The following ZNF177 variants were observed in gnomAD, a reference collection of about 807,000 sequenced individuals.
The protein encoded by ZNF177 is zinc finger protein 177.
A neutral mutation model predicts 19.4 loss-of-function variants in ZNF177; 17 were observed. That is an observed-to-expected ratio of 0.87 (90% CI 0.60 to 1.31). ZNF177 has a LOEUF of 1.31. ZNF177 is among the 40% of genes most tolerant of loss of function. The pLI, the probability that ZNF177 is intolerant of heterozygous loss-of-function variation, is 0.00. For missense variants in ZNF177, 633 were observed against 561.8 expected (o/e 1.13, Z -1.28); for synonymous variants, 220 against 188.7 (o/e 1.17, Z -1.36).
At chr19:9,370,125 C>G (rs2068028773) in intron 2 of ZNF177, among the ~76,000 whole-genome samples, 1 of 151,996 alleles carries the variant, frequency 6.6e-6, no homozygotes, top group Non-Finnish European at 1.5e-5. Flanking sequence ...TTATTTGACT[C>G]TCCATTTATT....
At chr19:9,379,468 T>A in intron 3 of ZNF177, 59 bp from the exon 6 acceptor site, 1 of 1,567,838 alleles carries the variant, frequency 6.4e-7, no homozygotes, top group South Asian at 1.2e-5. Flanking sequence ...GGCAATCAGT[T>A]TTGTGGAATA....
chr19:9,366,989 C>T (rs1568380252), intron 2 of ZNF177, among the ~76,000 whole-genome samples: 1 of 152,194 alleles, frequency 6.6e-6, no homozygotes, highest in Non-Finnish European at 1.5e-5. Context: ...GAAAAATGTA[C>T]ATTCAGATCA....
At chr19:9,375,715 T>C (rs911340813), upstream of ZNF177, among the ~76,000 whole-genome samples, 9 of 152,200 alleles carry the variant, frequency 5.9e-5, no homozygotes, top group Admixed American at 1.3e-4. Flanking sequence ...TTGTCTATTT[T>C]AATCTTAAGT....
chr19:9,378,890 C>A, intron 2 of ZNF177, 72 bp from the exon 5 acceptor site: 1 of 1,512,492 alleles, frequency 6.6e-7, no homozygotes, highest in East Asian at 2.3e-5. Context: ...CTGTCAGCCT[C>A]ACCCACCATT....
In ZNF177 at chr19:9,380,661, T is replaced by C. The variant is rs2068182710; in HGVS notation, c.337-7T>C. The stretch of plus-strand genomic sequence containing the variant: ...CCTCTAGTCACCACTTACTCCCTTT[T>C]CAACAGGCAGAAAATCAACCTGGTG... On this transcript the variant is annotated splice_region_variant and splice_polypyrimidine_tract_variant and intron_variant, in intron 5 of 5. Transcript: ENST00000589262. 1 of 1,535,718 alleles carries C rather than the reference T, an allele frequency of 6.5e-7. No homozygotes were observed. The highest frequency in any genetic ancestry group is 2.4e-5 in the East Asian group (1 of 40,908).
At chr19:9,379,137 A>C (rs2068152828) in intron 3 of ZNF177, 49 bp downstream of exon 5, 4 of 1,553,262 alleles carry the variant, frequency 2.6e-6, no homozygotes, top group Non-Finnish European at 3.5e-6. Context: ...AATAGTTCTT[A>C]AGCACATATT....
chr19:9,382,248 T>C (rs1238919914), downstream of ZNF177: 1 of 403,934 alleles, frequency 2.5e-6, no homozygotes, highest in East Asian at 3.6e-5. Context: ...CGGCCAAATA[T>C]GTTCACATCC....
chr19:9,379,888 A>G (rs947927321), intron 4 of ZNF177, among the ~76,000 whole-genome samples, 169 bp from the exon 7 acceptor site: 1 of 151,844 alleles, frequency 6.6e-6, no homozygotes, highest in Non-Finnish European at 1.5e-5. Flanking sequence ...AATACCTCCC[A>G]TTTCTACTGC....
chr19:9,382,331 A>G, downstream of ZNF177: 2 of 399,024 alleles, frequency 5.0e-6, no homozygotes, highest in African/African-American at 2.1e-5. Flanking sequence ...GGAATATCTC[A>G]TCTGGTGTTT....
chr19:9,365,835 T>C (rs1204949078), intron 2 of ZNF177, among the ~76,000 whole-genome samples: 1 of 151,542 alleles, frequency 6.6e-6, no homozygotes, highest in Non-Finnish European at 1.5e-5. Context: ...GTAAGAGAGG[T>C]TGGAGAAGAG....
chr19:9,366,912 T>TGC (rs1303144914), intron 2 of ZNF177, among the ~76,000 whole-genome samples: 8 of 152,246 alleles, frequency 5.3e-5, no homozygotes, highest in Admixed American at 1.3e-4. Context: ...GTGGTTTTGA[T>TGC]TTGCATTTCC....
intron 2 of ZNF177, chr19:9,378,737 A>C: frequency 1.5e-6 from 1 of 664,212 alleles, no homozygotes; most frequent in Non-Finnish European, 2.3e-6. Context: ...ATTTTAGAAA[A>C]GCTGTTTTGA....
chr19:9,380,857 CTT>C lies in ZNF177; in HGVS notation c.527_528del (p.Leu176ArgfsTer4), dbSNP rs1240217236. 2 of 1,535,954 alleles carry C rather than the reference CTT, an allele frequency of 1.3e-6. No individual in the cohort carries two copies. The highest frequency in any genetic ancestry group is 2.7e-5 in the African/African-American group (2 of 73,020). ...GAGCATTCACATTGGAGAGAAAACT[CTT>C]GAATTTACTGATTGTAGAAAAGCTT... On this transcript the variant is annotated frameshift_variant, in exon 6 of 6. Transcript: ENST00000589262. LOFTEE classifies it low-confidence loss of function (END_TRUNC).
chr19:9,382,045 C>T, exon 6 of ZNF177: 1 of 465,794 alleles, frequency 2.1e-6, no homozygotes, highest in Non-Finnish European at 3.7e-6. Flanking sequence ...AACACATGGT[C>T]TTCAATATGT....
At chr19:9,365,061 T>G (rs762492854) in intron 2 of ZNF177, 113 bp downstream of exon 2, 7 of 152,088 alleles carry the variant, frequency 4.6e-5, no homozygotes, top group Non-Finnish European at 8.8e-5. Flanking sequence ...CAGTGATGTG[T>G]GTAGTTGGGC....
Position 9,378,351 on chromosome 19 carries a change from A to G in ZNF177, c.33+7A>G. ...GCTGACAACCTGGTCACAGGTACAC[A>G]AGAAATTTCTCTATTTCCAAAAGCA... is the stretch of plus-strand genomic sequence containing the variant. On this transcript the variant is annotated splice_region_variant and intron_variant, in intron 2 of 5. Transcript: ENST00000589262. The G allele has an allele frequency of 1.2e-6, 2 of 1,613,556 alleles. No individual in the cohort carries two copies. Among genetic ancestry groups the G allele is most frequent in the Non-Finnish European group, 1.7e-6 (2 of 1,179,750 alleles).
chr19:9,374,290 T>G (rs1049501211), upstream of ZNF177, among the ~76,000 whole-genome samples: 7 of 152,218 alleles, frequency 4.6e-5, no homozygotes, highest in East Asian at 1.9e-4. Context: ...CTATTTTCAT[T>G]ACAGTACCTT....
chr19:9,382,347 TTAAC>T (rs2068215138), downstream of ZNF177: 4 of 399,092 alleles, frequency 1.0e-5, no homozygotes. Flanking sequence ...TGTTTTTTTC[TTAAC>T]TATTTGCCCT....
chr19:9,380,684 G>C lies in ZNF177; in HGVS notation c.353G>C (p.Gly118Ala), dbSNP rs745615162. Residue 118 changes from glycine to alanine, a missense_variant, in exon 6 of 6, where the codon GGT becomes GCT. By Grantham distance (60) the Gly-to-Ala change is moderately conservative (BLOSUM62 0). Coordinates refer to ENST00000589262, the Ensembl canonical transcript of ZNF177. ...TTTCAACAGGCAGAAAATCAACCTGGTGAGCACTCCCTGGAGTGTAACCAT... is the reference window on the plus strand; with the variant it reads ...TTTCAACAGGCAGAAAATCAACCTGCTGAGCACTCCCTGGAGTGTAACCAT... The C allele has an allele frequency of 1.3e-6, 2 of 1,535,688 alleles. No individual in the cohort carries two copies. Among genetic ancestry groups the C allele is most frequent in the Non-Finnish European group, 1.7e-6 (2 of 1,146,808 alleles).
Sources: gnomAD v4.1 joint callset for allele counts (sites outside exome capture counted in the v4.1 genomes callset) on GRCh38, gnomAD v4.1.1 for gene constraint, MANE v1.5 for transcripts, NCBI Gene and HGNC (gene_info 2026-07-23, HGNC 2026-07-21) for gene names.